LARP1: variants seen among roughly 807,000 people sequenced by gnomAD.
LARP1 encodes the protein la-related protein 1.
LARP1 carries 36 observed loss-of-function variants against 122.7 expected under a neutral mutation model. The observed-to-expected ratio is 0.29, with a 90% CI of 0.22 to 0.39. The LOEUF is 0.39. Ranked by LOEUF, LARP1 falls within the 10% of genes least tolerant of loss-of-function variation. LARP1 has a pLI of 1.00. For synonymous variants in LARP1, 539 were observed against 528.7 expected (o/e 1.02, Z -0.27); for missense variants, 1,040 against 1,403.6 (o/e 0.74, Z 4.14).
At chr5:154,768,083 G>T (rs947814364) in intron 1 of LARP1, among the ~76,000 whole-genome samples, 24 of 152,186 alleles carry the variant, frequency 1.6e-4, no homozygotes, top group Admixed American at 1.2e-3. Flanking sequence ...TTGGCCTAAA[G>T]CTCTGATGGC....
intron 1 of LARP1, among the ~76,000 whole-genome samples, chr5:154,703,220 T>C (rs1248619762): frequency 6.6e-6 from 1 of 152,168 alleles, no homozygotes; most frequent in Admixed American, 6.5e-5. Context: ...GGATAGTTTT[T>C]CTAGGAGGCA....
intron 16 of LARP1, among the ~76,000 whole-genome samples, chr5:154,809,344 C>A (rs1284044409): frequency 1.5e-5 from 2 of 132,956 alleles, no homozygotes; most frequent in African/African-American, 2.8e-5. Flanking sequence ...CCTCCCCACA[C>A]CCCCACCCCC....
intron 1 of LARP1, among the ~76,000 whole-genome samples, chr5:154,763,808 C>A (rs907030441): frequency 6.6e-6 from 1 of 151,622 alleles, no homozygotes; most frequent in African/African-American, 2.4e-5. Context: ...AAGTTTGAGA[C>A]CAGTCTGGGT....
upstream of LARP1, among the ~76,000 whole-genome samples, chr5:154,751,682 G>A (rs181256623): frequency 8.5e-5 from 13 of 152,260 alleles, no homozygotes; most frequent in Non-Finnish European, 1.9e-4. Flanking sequence ...TGTTTTGAGA[G>A]AGAAAGAGCA....
intron 16 of LARP1, among the ~76,000 whole-genome samples, chr5:154,809,998 G>A (rs1038606303): frequency 1.3e-5 from 2 of 151,854 alleles, no homozygotes; most frequent in East Asian, 1.9e-4. Flanking sequence ...GAGCCACCGC[G>A]CCCTGCCTTA....
Position 154,755,470 on chromosome 5 carries a change from G to A in LARP1, c.-288G>A. 6 of 857,814 alleles carry A rather than the reference G, an allele frequency of 7.0e-6. No homozygotes were observed. Among genetic ancestry groups the A allele is most frequent in the Non-Finnish European group, 8.4e-6 (6 of 712,468 alleles). The allele number at this position is 857,814 out of a possible 1,614,324, so 53.1% of individuals were successfully genotyped here. On this transcript the variant is annotated 5_prime_UTR_variant, in exon 1 of 19. Transcript: ENST00000518297. Reference sequence around the variant, plus strand: ...GGGACTAGAAGCCTGCCGGGCTCGGGGTGGGGGCGTCTTGCGAGGAACGGG... The same window carrying A: ...GGGACTAGAAGCCTGCCGGGCTCGGAGTGGGGGCGTCTTGCGAGGAACGGG...
intron 1 of LARP1, among the ~76,000 whole-genome samples, chr5:154,725,120 G>A (rs373027865): frequency 8.5e-5 from 13 of 152,182 alleles, no homozygotes; most frequent in African/African-American, 2.2e-4. Context: ...GGCTGGATGC[G>A]GTGGCTCACA....
chr5:154,746,922 G>A (rs1259898775), intron 1 of LARP1, among the ~76,000 whole-genome samples: 1 of 152,278 alleles, frequency 6.6e-6, no homozygotes, highest in Non-Finnish European at 1.5e-5. Context: ...ACCACTTGAG[G>A]TCAGGAGGTT....
Position 154,756,192 on chromosome 5 carries a change from A to G in LARP1, c.435A>G (p.Pro145=). The G allele has an allele frequency of 7.8e-7, 1 of 1,274,016 alleles. No individual in the cohort carries two copies. The highest frequency in any genetic ancestry group is 1.0e-6 in the Non-Finnish European group (1 of 977,140). The allele number at this position is 1,274,016 out of a possible 1,614,324, so 78.9% of individuals were successfully genotyped here. The change falls in exon 1 of 19, where the codon CCA becomes CCG. Residue 145 remains proline, a splice_region_variant and synonymous_variant. Coordinates refer to ENST00000518297, the MANE Select transcript of LARP1 (RefSeq NM_033551.3). The part of the protein sequence containing the change: ...VLTTVNGQSP[P]EHSAPAKVVR... ...CCACCGTGAACGGACAGTCCCCCCC[A>G]GGTGGGTCTCCCTCCTTGCCCTCCT...
intron 1 of LARP1, among the ~76,000 whole-genome samples, chr5:154,731,768 G>A (rs571851933): frequency 7.2e-5 from 11 of 152,064 alleles, no homozygotes; most frequent in Non-Finnish European, 1.2e-4. Context: ...GGTGGCTCAC[G>A]TCTGTAATCC....
At chr5:154,789,171 A>T (rs909601898) in intron 1 of LARP1, among the ~76,000 whole-genome samples, 7 of 145,190 alleles carry the variant, frequency 4.8e-5, no homozygotes, top group South Asian at 2.3e-4. Flanking sequence ...AGATGGCGCC[A>T]CTGCACTCCA....
chr5:154,776,304 AC>A, intron 1 of LARP1, among the ~76,000 whole-genome samples: 1 of 152,244 alleles, frequency 6.6e-6, no homozygotes, highest in East Asian at 1.9e-4. Context: ...TTGTTACAAA[AC>A]TTAAACCCCA....
At chr5:154,694,802 A>G (rs9324789) in intron 1 of LARP1, among the ~76,000 whole-genome samples, 17,575 of 151,884 alleles carry the variant, frequency 0.12, 1,228 homozygotes, top group East Asian at 0.32. Flanking sequence ...AATGTTGACA[A>G]TTGTTGCTAT....
chr5:154,739,315 C>G lies in LARP1; in HGVS notation c.205+26185C>G, dbSNP rs193131424. On this transcript the variant is annotated intron_variant, in intron 1 of 18. Transcript: ENST00000336314. The stretch of plus-strand genomic sequence containing the variant: ...GATTACAGGCGTGAGCCACCTCACC[C>G]GGCCCTAAAAGAAGATTCTAAAGGG... 2.0e-5 allele frequency among the ~76,000 whole-genome samples: 3 copies of G among 152,220 alleles called. No individual in the cohort carries two copies. The East Asian group carries it at 5.8e-4, about 29-fold the overall frequency.
At chr5:154,787,242 G>A (rs534812910) in intron 1 of LARP1, among the ~76,000 whole-genome samples, 11 of 152,332 alleles carry the variant, frequency 7.2e-5, no homozygotes, top group East Asian at 1.9e-4. Context: ...GTGGCAGCAG[G>A]CATGCAGGTT....
Position 154,793,834 on chromosome 5 carries a change from C to G in LARP1, c.903C>G (p.Pro301=). The G allele has an allele frequency of 6.2e-7, 1 of 1,614,190 alleles. No homozygotes were observed. The highest frequency in any genetic ancestry group is 8.5e-7 in the Non-Finnish European group (1 of 1,180,022). ...CTGCCACCTACGTGCCCGTGGCCCCCCCCACCCCAGCCTGGCAACCAGAGA... is the reference window on the plus strand; with the variant it reads ...CTGCCACCTACGTGCCCGTGGCCCCGCCCACCCCAGCCTGGCAACCAGAGA... ...SESATYVPVA[P]PTPAWQPEIK... is the part of the protein sequence containing the mutation. The change falls in exon 6 of 19, where the codon CCC becomes CCG. Residue 301 remains proline, a synonymous_variant. Transcript: ENST00000518297.
Position 154,790,652 on chromosome 5 carries a change from A to G in LARP1, c.506A>G (p.Asp169Gly). Residue 169 changes from aspartate to glycine, a missense_variant, in exon 3 of 19, where the codon GAC (aspartate) becomes GGC (glycine). Physicochemically the swap from Asp to Gly is moderately conservative, Grantham distance 94 (BLOSUM62 -1). Transcript: ENST00000518297. ...PKQRKGSKVG[D>G]FGDAINWPTP... is the part of the protein sequence containing the mutation. ...AGTGTATGTTCCCTGCAGGTTGGTGACTTTGGAGATGCAATCAATTGGCCC... is the reference window on the plus strand; with the variant it reads ...AGTGTATGTTCCCTGCAGGTTGGTGGCTTTGGAGATGCAATCAATTGGCCC... 1 of 1,614,088 alleles carries G rather than the reference A, an allele frequency of 6.2e-7. No homozygotes were observed.
At chr5:154,743,102 A>G (rs1752994015) in intron 1 of LARP1, among the ~76,000 whole-genome samples, 1 of 152,164 alleles carries the variant, frequency 6.6e-6, no homozygotes, top group South Asian at 2.1e-4. Context: ...GCTTAACCCA[A>G]TATTTCCCAA....
chr5:154,688,216 C>G (rs1754025932), intron 1 of LARP1, among the ~76,000 whole-genome samples: 1 of 152,182 alleles, frequency 6.6e-6, no homozygotes, highest in Non-Finnish European at 1.5e-5. Flanking sequence ...GGCGAGGCTC[C>G]TGCAGTCTCA....
Sources: gnomAD v4.1 joint callset for allele counts (sites outside exome capture counted in the v4.1 genomes callset) on GRCh38, gnomAD v4.1.1 for gene constraint, MANE v1.5 for transcripts, NCBI Gene and HGNC (gene_info 2026-07-23, HGNC 2026-07-21) for gene names.